The following TXNDC16 variants were observed in gnomAD, a reference collection of about 807,000 sequenced individuals.
TXNDC16 encodes thioredoxin domain containing 16.
A neutral mutation model predicts 85.6 loss-of-function variants in TXNDC16; 74 were observed. The ratio of observed to expected loss-of-function variants is 0.86; its 90% confidence interval spans 0.72 to 1.05. The LOEUF (loss-of-function observed/expected upper bound fraction) is 1.05, where lower values mean the gene tolerates loss of function less well. Ranked by LOEUF, TXNDC16 falls within the 50% of genes least tolerant of loss-of-function variation. The probability of loss-of-function intolerance (pLI) is 0.00; values close to 1 mark genes in which losing one functional copy is unlikely to be tolerated. For missense variants in TXNDC16, 959 were observed against 947.0 expected, an observed-to-expected ratio of 1.01 and a Z score of -0.17; for synonymous variants, 335 against 326.5, an observed-to-expected ratio of 1.03 and a Z score of -0.28.
chr14:52,499,471 C>T (rs1489472607), intron 9 of TXNDC16, among the ~76,000 whole-genome samples: 1 of 151,948 alleles, frequency 6.6e-6, no homozygotes, highest in Non-Finnish European at 1.5e-5. Context: ...GGACAAAAGA[C>T]TTGAATAGAC....
intron 16 of TXNDC16, among the ~76,000 whole-genome samples, chr14:52,467,742 C>T (rs1166110020): frequency 6.6e-6 from 1 of 152,182 alleles, no homozygotes; most frequent in Non-Finnish European, 1.5e-5. Flanking sequence ...AATTCCACTT[C>T]TCAGTATGTA....
chr14:52,484,355 A>G (rs1235897682), intron 12 of TXNDC16, among the ~76,000 whole-genome samples: 9 of 152,250 alleles, frequency 5.9e-5, no homozygotes, highest in Admixed American at 2.0e-4. Context: ...AAGACAATAC[A>G]TTCATAGAAC....
rs528103847 is a variant in TXNDC16 at position 52,519,262 on chromosome 14, T to C, written c.424A>G (p.Thr142Ala). Reference sequence around the variant, plus strand: ...ATGTTCTGAAGGTCTTCCAGGTTGGTAATATATTTCACTTCACTAAAAAGA... The same window carrying C: ...ATGTTCTGAAGGTCTTCCAGGTTGGCAATATATTTCACTTCACTAAAAAGA... ...ALLFSEVKYITNLEDLQNIEN... is the reference protein window; with the variant it reads ...ALLFSEVKYIANLEDLQNIEN... Residue 142 changes from threonine (T) to alanine (A), a missense_variant, in exon 7 of 21, where the codon ACC (threonine) becomes GCC (alanine). Thr to Ala is a moderately conservative substitution (Grantham distance 58). Coordinates refer to ENST00000281741, the MANE Select transcript of TXNDC16 (RefSeq NM_020784.3). 6 of 1,604,256 alleles carry C rather than the reference T, an allele frequency of 3.7e-6. No individual in the cohort carries two copies. In the African/African-American group the frequency reaches 5.4e-5, roughly 14 times the overall value.
chr14:52,543,372 C>T, intron 3 of TXNDC16, 26 bp downstream of exon 3: 1 of 1,584,236 alleles, frequency 6.3e-7, no homozygotes, highest in African/African-American at 1.4e-5. Flanking sequence ...TCACAAGAAT[C>T]ATATTAGAAT....
chr14:52,549,506 A>T (rs2038002749), intron 1 of TXNDC16, among the ~76,000 whole-genome samples: 1 of 152,208 alleles, frequency 6.6e-6, no homozygotes, highest in South Asian at 2.1e-4. Flanking sequence ...TTGTAAGGAG[A>T]CAGTATGAGG....
intron 20 of TXNDC16, among the ~76,000 whole-genome samples, chr14:52,434,431 T>C (rs2034980767): frequency 6.6e-6 from 1 of 152,254 alleles, no homozygotes; most frequent in African/African-American, 2.4e-5. Flanking sequence ...TCAGTAATGA[T>C]AATAAATAAT....
chr14:52,435,253 C>CTTT (rs5808677), intron 20 of TXNDC16, among the ~76,000 whole-genome samples: 149 of 120,214 alleles, frequency 1.2e-3, no homozygotes, highest in East Asian at 0.011. Flanking sequence ...AACATGTCTG[C>CTTT]TTTTTTTTTT....
rs376521824 is a variant in TXNDC16 at position 52,511,257 on chromosome 14, T to C, written c.739A>G (p.Met247Val). Residue 247 changes from methionine to valine, a missense_variant, in exon 9 of 21, where the codon ATG (methionine) becomes GTG (valine). Coordinates refer to ENST00000281741, the MANE Select transcript of TXNDC16 (RefSeq NM_020784.3). ...ACACATACCAACAGAGGTGCTTTCA[T>C]TGTCTTAATAAACAGGTGAATGTTC... is the stretch of plus-strand genomic sequence containing the variant. ...TLNIHLFIKT[M>V]KAPLLTEVAE... 1.1e-5 allele frequency: 17 copies of C among 1,574,378 alleles called. No individual in the cohort carries two copies. The highest frequency in any genetic ancestry group is 2.7e-5 in the African/African-American group (2 of 74,298).
intron 9 of TXNDC16, among the ~76,000 whole-genome samples, chr14:52,496,799 G>A (rs1487928931): frequency 6.6e-6 from 1 of 151,660 alleles, no homozygotes; most frequent in Admixed American, 6.6e-5. Flanking sequence ...TTGTAGAGAT[G>A]GGGGTCTTCA....
At chr14:52,494,410 G>A (rs2036485117) in intron 9 of TXNDC16, among the ~76,000 whole-genome samples, 1 of 152,192 alleles carries the variant, frequency 6.6e-6, no homozygotes, top group South Asian at 2.1e-4. Flanking sequence ...AGAGCAGCCT[G>A]TAGGAAATGA....
At chr14:52,551,507 TGGTGA>T (rs1464256545) in intron 1 of TXNDC16, among the ~76,000 whole-genome samples, 5 of 150,222 alleles carry the variant, frequency 3.3e-5, no homozygotes, top group Admixed American at 2.7e-4. Flanking sequence ...GGACAAAGGA[TGGTGA>T]GGTAAGAAAA....
At position 52,511,288 on chromosome 14, in the gene TXNDC16, A is replaced by T; in HGVS notation, c.708T>A (p.Thr236=). 1 of 1,604,860 alleles carries T rather than the reference A, an allele frequency of 6.2e-7. No individual in the cohort carries two copies. The change falls in exon 9 of 21, where the codon ACT becomes ACA. Residue 236 remains threonine (T), a synonymous_variant. Transcript: ENST00000281741. The part of the protein sequence containing the change: ...CRRTLMEQPL[T]TLNIHLFIKT... ...TAATAAACAGGTGAATGTTCAGTGT[A>T]GTCAATGGCTGTTCCATTAGTGTTC...
intron 12 of TXNDC16, among the ~76,000 whole-genome samples, chr14:52,483,845 C>T (rs866026219): frequency 6.6e-6 from 1 of 152,024 alleles, no homozygotes; most frequent in Non-Finnish European, 1.5e-5. Flanking sequence ...AGAGATTGTA[C>T]GGTAAGACAG....
chr14:52,502,932 G>T (rs906182930), intron 9 of TXNDC16, among the ~76,000 whole-genome samples: 1 of 152,128 alleles, frequency 6.6e-6, no homozygotes, highest in African/African-American at 2.4e-5. Context: ...ATTATATCCC[G>T]CGCTTGAGGG....
chr14:52,494,096 T>C (rs2036476952), intron 9 of TXNDC16, among the ~76,000 whole-genome samples: 1 of 152,016 alleles, frequency 6.6e-6, no homozygotes, highest in Non-Finnish European at 1.5e-5. Flanking sequence ...TAGAAGTCTG[T>C]CTACCATAGG....
intron 9 of TXNDC16, among the ~76,000 whole-genome samples, chr14:52,502,427 A>T (rs1355394285): frequency 1.3e-5 from 2 of 152,250 alleles, no homozygotes; most frequent in African/African-American, 2.4e-5. Context: ...ATTGTATTTT[A>T]TAAAACGTGT....
intron 14 of TXNDC16, among the ~76,000 whole-genome samples, chr14:52,479,666 C>T (rs532804229): frequency 4.6e-5 from 7 of 152,002 alleles, no homozygotes; most frequent in African/African-American, 1.4e-4. Flanking sequence ...TGAAAGAAAT[C>T]GTGGATGACA....
chr14:52,532,877 G>A (rs1481570484), intron 6 of TXNDC16, among the ~76,000 whole-genome samples: 1 of 152,128 alleles, frequency 6.6e-6, no homozygotes, highest in Non-Finnish European at 1.5e-5. Flanking sequence ...ATGGCAATTT[G>A]CAAGGTACAG....
At chr14:52,509,335 C>A (rs1040864051) in intron 9 of TXNDC16, among the ~76,000 whole-genome samples, 1 of 151,956 alleles carries the variant, frequency 6.6e-6, no homozygotes, top group East Asian at 1.9e-4. Flanking sequence ...CTCAACTATT[C>A]GAAGAGAAGG....
Sources: gnomAD v4.1 joint callset for allele counts (sites outside exome capture counted in the v4.1 genomes callset) on GRCh38, gnomAD v4.1.1 for gene constraint, MANE v1.5 for transcripts, NCBI Gene and HGNC (gene_info 2026-07-23, HGNC 2026-07-21) for gene names.